Variants in SLC41A3 observed in about 807,000 individuals in gnomAD.
SLC41A3 encodes solute carrier family 41 member 3, also known as SLC41A1-like 2.
Under a neutral mutation model 45.4 loss-of-function variants are expected in SLC41A3, and 44 were observed. The observed-to-expected ratio is 0.97, with a 90% CI of 0.76 to 1.25. SLC41A3 has a LOEUF of 1.25. Ranked by LOEUF, SLC41A3 falls within the 50% of genes most tolerant of loss-of-function variation. SLC41A3 has a pLI of 0.00. For missense variants in SLC41A3, 550 were observed against 600.6 expected, an observed-to-expected ratio of 0.92 and a Z score of 0.88; for synonymous variants, 256 against 252.4, an observed-to-expected ratio of 1.01 and a Z score of -0.13.
rs538059463 is a variant in SLC41A3 at position 126,100,599 on chromosome 3, C to T, written c.-79+830G>A. Among the ~76,000 whole-genome samples the T allele has an allele frequency of 5.3e-5, 8 of 152,260 alleles. No homozygotes were observed. The South Asian group carries it at 6.2e-4, about 12-fold the overall frequency. ...TGCCACCATATGAAGTCACATAAGA[C>T]GGCAGTCATTATATTATAAAACATT... On this transcript the variant is annotated intron_variant, in intron 1 of 9. Coordinates refer to the SLC41A3 transcript ENST00000508835.
intron 3 of SLC41A3, among the ~76,000 whole-genome samples, chr3:126,047,281 T>C (rs1340435600): frequency 3.9e-5 from 6 of 152,166 alleles, no homozygotes; most frequent in Admixed American, 3.9e-4. Flanking sequence ...GAAGATCACT[T>C]GAGCCTGGGA....
chr3:126,054,677 C>G (rs554476928), intron 2 of SLC41A3, among the ~76,000 whole-genome samples: 1 of 152,064 alleles, frequency 6.6e-6, no homozygotes, highest in Admixed American at 6.6e-5. Flanking sequence ...AAGTCCAAAT[C>G]AAATTGTCCT....
chr3:126,082,641 C>T (rs749876126), intron 1 of SLC41A3, among the ~76,000 whole-genome samples: 16 of 152,174 alleles, frequency 1.1e-4, no homozygotes, highest in Non-Finnish European at 1.6e-4. Flanking sequence ...GAGGAGGAAA[C>T]GGACACTCTG....
upstream of SLC41A3, among the ~76,000 whole-genome samples, chr3:126,088,635 C>G (rs1184184467): frequency 2.0e-5 from 3 of 151,942 alleles, no homozygotes; most frequent in Non-Finnish European, 4.4e-5. Flanking sequence ...AACAATTAAG[C>G]CAGAGCAACA....
In SLC41A3 at chr3:126,010,532, C is replaced by T. The variant is rs376085075; in HGVS notation, c.1106-1652G>A. ...ACCAAAGGCCAGGAAAGGGGAAGCC[C>T]GGCAAAACAGACAACTTTCAGACAA... On this transcript the variant is annotated intron_variant, in intron 9 of 10. Coordinates refer to ENST00000360370, the MANE Select transcript of SLC41A3 (RefSeq NM_017836.4). Among the ~76,000 whole-genome samples, 86 of 152,308 alleles carry T rather than the reference C, an allele frequency of 5.6e-4. 1 individual carries two copies. Among genetic ancestry groups the T allele is most frequent in the South Asian group, 5.0e-3 (24 of 4,826 alleles).
intron 4 of SLC41A3, among the ~76,000 whole-genome samples, chr3:126,029,827 G>T (rs770603629): frequency 4.6e-5 from 7 of 152,208 alleles, no homozygotes; most frequent in Non-Finnish European, 1.0e-4. Context: ...GTGTGGTCCT[G>T]ACAGAAACAA....
intron 2 of SLC41A3, among the ~76,000 whole-genome samples, chr3:126,065,168 C>T (rs1944284122): frequency 6.6e-6 from 1 of 152,190 alleles, no homozygotes; most frequent in Admixed American, 6.5e-5. Flanking sequence ...GATGTTCCCC[C>T]AGAGCCTCAT....
upstream of SLC41A3, among the ~76,000 whole-genome samples, chr3:126,088,594 G>GA (rs372347730): frequency 6.6e-6 from 1 of 151,782 alleles, no homozygotes; most frequent in Non-Finnish European, 1.5e-5. Flanking sequence ...TTAGAATGAA[G>GA]AAAAAAATAT....
chr3:126,039,984 G>A (rs746526296), intron 3 of SLC41A3, among the ~76,000 whole-genome samples: 1 of 147,972 alleles, frequency 6.8e-6, no homozygotes, highest in Non-Finnish European at 1.5e-5. Flanking sequence ...AATAAAAGGA[G>A]CCAGCTTCCT....
chr3:126,082,376 TC>T (rs1406209878), intron 1 of SLC41A3, among the ~76,000 whole-genome samples: 1 of 152,158 alleles, frequency 6.6e-6, no homozygotes, highest in Non-Finnish European at 1.5e-5. Flanking sequence ...GTTTTGGTTG[TC>T]CCGACAGGGG....
chr3:126,068,296 C>T (rs564575201), intron 1 of SLC41A3, 50 bp from the exon 2 acceptor site: 42 of 1,446,722 alleles, frequency 2.9e-5, no homozygotes, highest in African/African-American at 1.6e-4. Flanking sequence ...ATTCCCATGG[C>T]GCTAACACCC....
chr3:126,083,879 A>C (rs1576379487), intron 1 of SLC41A3: 1 of 76,888 alleles, frequency 1.3e-5, no homozygotes, highest in African/African-American at 5.2e-5. Context: ...TGTTTACCTC[A>C]TCTCCCGCGC....
At chr3:126,074,952 AC>A (rs1944806419) in intron 1 of SLC41A3, among the ~76,000 whole-genome samples, 3 of 138,734 alleles carry the variant, frequency 2.2e-5, no homozygotes, top group Admixed American at 2.1e-4. Flanking sequence ...AGCTGGGACT[AC>A]AGGCATATTC....
chr3:126,032,270 G>A (rs1275564418), intron 4 of SLC41A3, among the ~76,000 whole-genome samples: 3 of 152,236 alleles, frequency 2.0e-5, no homozygotes, highest in South Asian at 2.1e-4. Flanking sequence ...GGAGGAGCTG[G>A]AGGATTCCTG....
chr3:126,089,356 A>G (rs1247916142), intron 1 of SLC41A3, among the ~76,000 whole-genome samples: 1 of 152,246 alleles, frequency 6.6e-6, no homozygotes, highest in Non-Finnish European at 1.5e-5. Context: ...ACATAAAAAC[A>G]TACAGGTTAA....
upstream of SLC41A3, among the ~76,000 whole-genome samples, chr3:126,084,897 C>G (rs967140855): frequency 6.6e-6 from 1 of 152,156 alleles, no homozygotes; most frequent in Non-Finnish European, 1.5e-5. Context: ...AAGTGGAGGC[C>G]GAACATGCCT....
At chr3:126,054,639 C>T (rs1172857365) in intron 2 of SLC41A3, among the ~76,000 whole-genome samples, 1 of 144,206 alleles carries the variant, frequency 6.9e-6, no homozygotes. Flanking sequence ...CTTTTCAGGG[C>T]ATCCTGGAAA....
At chr3:126,043,192 A>T (rs1178397198) in intron 3 of SLC41A3, among the ~76,000 whole-genome samples, 1 of 152,118 alleles carries the variant, frequency 6.6e-6, no homozygotes, top group Non-Finnish European at 1.5e-5. Context: ...TCCTCAATAA[A>T]ATCATCAGTG....
intron 4 of SLC41A3, among the ~76,000 whole-genome samples, chr3:126,030,527 G>A (rs1407981390): frequency 1.3e-5 from 2 of 152,126 alleles, no homozygotes; most frequent in Non-Finnish European, 2.9e-5. Context: ...CTTTTAAAAG[G>A]TAAGTGTTGT....
Sources: allele counts gnomAD v4.1 joint callset (sites outside exome capture counted in the v4.1 genomes callset), GRCh38; gene constraint gnomAD v4.1.1; transcripts MANE v1.5; gene names NCBI Gene and HGNC (gene_info 2026-07-23, HGNC 2026-07-21).